KCND2: variants seen among roughly 807,000 people sequenced by gnomAD.
KCND2 encodes the protein potassium voltage-gated channel subfamily D member 2.
A neutral mutation model predicts 54.4 loss-of-function variants in KCND2; 16 were observed. That is an observed-to-expected ratio of 0.29 (90% CI 0.20 to 0.45). The LOEUF (loss-of-function observed/expected upper bound fraction) is 0.45. KCND2 is among the 20% of genes least tolerant of loss of function. The probability of loss-of-function intolerance (pLI) is 1.00; values close to 1 mark genes in which losing one functional copy is unlikely to be tolerated. For synonymous variants in KCND2, 317 were observed against 310.7 expected (o/e 1.02, Z -0.21); for missense variants, 486 against 824.2 (o/e 0.59, Z 5.02).
intron 1 of KCND2, among the ~76,000 whole-genome samples, chr7:120,540,710 T>C (rs747616581): frequency 6.6e-6 from 1 of 152,158 alleles, no homozygotes; most frequent in Non-Finnish European, 1.5e-5. Flanking sequence ...CACAGGCAAC[T>C]TCCAACCGCT....
At chr7:120,721,695 C>T (rs1792668485) in intron 1 of KCND2, among the ~76,000 whole-genome samples, 2 of 152,082 alleles carry the variant, frequency 1.3e-5, no homozygotes, top group Non-Finnish European at 1.5e-5. Context: ...ATTATTTATA[C>T]TTAAAGAACT....
chr7:120,344,055 C>A (rs970918465), intron 1 of KCND2, among the ~76,000 whole-genome samples: 1 of 152,132 alleles, frequency 6.6e-6, no homozygotes, highest in Non-Finnish European at 1.5e-5. Context: ...ATATACAGTT[C>A]TCCTAAATTA....
chr7:120,335,646 T>C (rs1046447765), intron 1 of KCND2, among the ~76,000 whole-genome samples: 5 of 151,782 alleles, frequency 3.3e-5, no homozygotes, highest in Admixed American at 6.6e-5. Context: ...CCACCACGCC[T>C]GGCTAATTTT....
chr7:120,439,987 G>C (rs575777354), intron 1 of KCND2, among the ~76,000 whole-genome samples: 1 of 152,124 alleles, frequency 6.6e-6, no homozygotes, highest in East Asian at 1.9e-4. Flanking sequence ...AAATTATACT[G>C]ATTTCATTTC....
chr7:120,375,801 A>G (rs889057918), intron 1 of KCND2, among the ~76,000 whole-genome samples: 10 of 151,828 alleles, frequency 6.6e-5, no homozygotes, highest in Non-Finnish European at 1.0e-4. Flanking sequence ...GTTATAAAAT[A>G]ACTACTTTCT....
chr7:120,333,649 G>A (rs1219238956), intron 1 of KCND2, among the ~76,000 whole-genome samples: 2 of 152,024 alleles, frequency 1.3e-5, no homozygotes, highest in Admixed American at 6.5e-5. Context: ...TGTGCTGATT[G>A]CATAAAATTT....
intron 1 of KCND2, among the ~76,000 whole-genome samples, chr7:120,680,990 A>G (rs1378246035): frequency 6.6e-6 from 1 of 152,110 alleles, no homozygotes; most frequent in African/African-American, 2.4e-5. Context: ...TAGGTATTGA[A>G]CTATCAATAA....
intron 1 of KCND2, among the ~76,000 whole-genome samples, chr7:120,731,304 T>C (rs1792803860): frequency 6.6e-6 from 1 of 152,220 alleles, no homozygotes; most frequent in Non-Finnish European, 1.5e-5. Flanking sequence ...ATAAGTACTC[T>C]GAAGACAGTC....
chr7:120,533,110 A>G (rs1791862374), intron 1 of KCND2, among the ~76,000 whole-genome samples: 1 of 152,114 alleles, frequency 6.6e-6, no homozygotes, highest in East Asian at 1.9e-4. Context: ...ATCACTGCCC[A>G]CTTTCAAAAC....
At chr7:120,564,153 TATA>T (rs71668852) in intron 1 of KCND2, among the ~76,000 whole-genome samples, 4,785 of 152,216 alleles carry the variant, frequency 0.031, 230 homozygotes, top group African/African-American at 0.11. Context: ...GAGAAAAAGG[TATA>T]ATAAAGCTAG....
At chr7:120,389,399 T>C (rs1801040467) in intron 1 of KCND2, among the ~76,000 whole-genome samples, 1 of 151,868 alleles carries the variant, frequency 6.6e-6, no homozygotes, top group Non-Finnish European at 1.5e-5. Flanking sequence ...TCCACTCTCT[T>C]AGGAAATTTC....
At chr7:120,390,323 G>A (rs1801054581) in intron 1 of KCND2, among the ~76,000 whole-genome samples, 1 of 151,828 alleles carries the variant, frequency 6.6e-6, no homozygotes, top group African/African-American at 2.4e-5. Context: ...TTTGTTCATA[G>A]GGATAAAATT....
At chr7:120,659,472 G>T (rs988671683) in intron 1 of KCND2, among the ~76,000 whole-genome samples, 1 of 152,176 alleles carries the variant, frequency 6.6e-6, no homozygotes, top group South Asian at 2.1e-4. Context: ...ATATTTGTGT[G>T]TGGAATTATG....
At chr7:120,324,933 C>T (rs1799952725) in intron 1 of KCND2, among the ~76,000 whole-genome samples, 1 of 129,094 alleles carries the variant, frequency 7.7e-6, no homozygotes, top group South Asian at 3.2e-4. Context: ...TACCCATGAG[C>T]ATGGAATGTT....
chr7:120,579,458 T>C (rs1792484609), intron 1 of KCND2, among the ~76,000 whole-genome samples: 1 of 151,634 alleles, frequency 6.6e-6, no homozygotes, highest in Non-Finnish European at 1.5e-5. Flanking sequence ...AAAAATTAGC[T>C]GGGCATGGTG....
chr7:120,539,437 C>T (rs1189271572), intron 1 of KCND2, among the ~76,000 whole-genome samples: 1 of 152,138 alleles, frequency 6.6e-6, no homozygotes, highest in East Asian at 1.9e-4. Context: ...GATAGAAAAA[C>T]AGGGAGCTCA....
intron 1 of KCND2, among the ~76,000 whole-genome samples, chr7:120,564,892 T>A (rs1792277780): frequency 6.6e-6 from 1 of 152,226 alleles, no homozygotes; most frequent in Non-Finnish European, 1.5e-5. Context: ...CACACTTTAG[T>A]ATCCTCTCCA....
intron 1 of KCND2, among the ~76,000 whole-genome samples, chr7:120,672,642 A>C (rs564684440): frequency 9.9e-5 from 15 of 152,156 alleles, no homozygotes; most frequent in African/African-American, 3.6e-4. Context: ...TTTTAAATTA[A>C]CAACTATAGT....
chr7:120,528,589 T>C (rs1441564507), intron 1 of KCND2, among the ~76,000 whole-genome samples: 4 of 152,118 alleles, frequency 2.6e-5, no homozygotes, highest in African/African-American at 9.7e-5. Context: ...AACCAGCAAC[T>C]TTTAGTACAT....
Sources: allele counts gnomAD v4.1 joint callset (sites outside exome capture counted in the v4.1 genomes callset), GRCh38; gene constraint gnomAD v4.1.1; transcripts MANE v1.5; gene names NCBI Gene and HGNC (gene_info 2026-07-23, HGNC 2026-07-21).